The following SLC4A8 variants were observed in gnomAD, a reference collection of about 807,000 sequenced individuals.
The protein encoded by SLC4A8 is electroneutral sodium bicarbonate exchanger 1.
In SLC4A8, 40 loss-of-function variants were observed where a neutral mutation model predicts 125.0. That is an observed-to-expected ratio of 0.32 (90% CI 0.25 to 0.42). The LOEUF is 0.42. Among genes scored for constraint, SLC4A8 ranks in the 10% least tolerant of loss-of-function variants. The pLI is 1.00. For missense variants in SLC4A8, 863 were observed against 1,355.1 expected (o/e 0.64, Z 5.70); for synonymous variants, 456 against 476.0 (o/e 0.96, Z 0.55).
At chr12:51,423,585 C>T (rs556258575), upstream of SLC4A8, among the ~76,000 whole-genome samples, 1 of 152,206 alleles carries the variant, frequency 6.6e-6, no homozygotes, top group Non-Finnish European at 1.5e-5. Context: ...AGGACCAACA[C>T]AAAGGATGGT....
intron 10 of SLC4A8, 54 bp from the exon 11 acceptor site, chr12:51,463,557 TAGC>T (rs1449466217): frequency 7.5e-7 from 1 of 1,334,714 alleles, no homozygotes; most frequent in East Asian, 2.3e-5. Context: ...TCCCTGCTGA[TAGC>T]AGGACGAAAA....
At chr12:51,471,161 A>C in intron 13 of SLC4A8, 126 bp from the exon 14 acceptor site, 1 of 880,160 alleles carries the variant, frequency 1.1e-6, no homozygotes, top group African/African-American at 1.7e-5. Flanking sequence ...AGGAAAATAC[A>C]ATCAGAATTA....
intron 1 of SLC4A8, among the ~76,000 whole-genome samples, chr12:51,404,075 A>G (rs548540863): frequency 2.0e-4 from 31 of 152,176 alleles, no homozygotes; most frequent in African/African-American, 6.8e-4. Context: ...GTGAAGTCAG[A>G]CTTGTGAGCA....
At chr12:51,457,201 T>C (rs1565790012) in intron 5 of SLC4A8, 150 bp from the exon 6 acceptor site, 5 of 522,124 alleles carry the variant, frequency 9.6e-6, no homozygotes, top group African/African-American at 1.9e-5. Context: ...CAAATGGCAC[T>C]TTCAGACAGG....
chr12:51,474,626 G>A (rs1950807778), intron 15 of SLC4A8, 179 bp downstream of exon 15: 4 of 1,139,816 alleles, frequency 3.5e-6, no homozygotes, highest in Non-Finnish European at 4.8e-6. Context: ...TGTATGTTAA[G>A]GGAGAAGATT....
chr12:51,410,503 G>A (rs143791842), intron 1 of SLC4A8, among the ~76,000 whole-genome samples: 2 of 152,046 alleles, frequency 1.3e-5, no homozygotes, highest in Non-Finnish European at 2.9e-5. Context: ...TGTTGCCCAG[G>A]CTGGAGTGCA....
intron 6 of SLC4A8, among the ~76,000 whole-genome samples, chr12:51,458,077 A>G (rs1204697815): frequency 2.0e-5 from 3 of 152,176 alleles, no homozygotes; most frequent in Non-Finnish European, 4.4e-5. Flanking sequence ...TCAATGAGTT[A>G]ATCCATGTGA....
intron 13 of SLC4A8, 64 bp downstream of exon 13, chr12:51,470,589 G>A (rs1451462874): frequency 6.9e-7 from 1 of 1,456,408 alleles, no homozygotes; most frequent in Non-Finnish European, 9.6e-7. Flanking sequence ...AGGATTAAAT[G>A]TCAGGGTTCT....
Position 51,489,819 on chromosome 12 carries a change from C to T in SLC4A8, c.2568C>T (p.Ser856=), listed in dbSNP as rs1336848364. The change falls in exon 19 of 25, where the codon AGC becomes AGT. Residue 856 remains serine (S), a synonymous_variant. Coordinates refer to ENST00000453097, the MANE Select transcript of SLC4A8 (RefSeq NM_001039960.3). ...ATVLSITHVN[S]LKLESECSAP... ...TCTTGTCCATCACACATGTGAACAG[C>T]CTCAAGCTAGAATCTGAATGCTCTG... 6.2e-7 allele frequency: 1 copy of T among 1,614,112 alleles called. No individual in the cohort carries two copies. Among genetic ancestry groups the T allele is most frequent in the Non-Finnish European group, 8.5e-7 (1 of 1,180,038 alleles).
At chr12:51,497,430 G>A (rs1056226240) in intron 22 of SLC4A8, 22 of 238,040 alleles carry the variant, frequency 9.2e-5, no homozygotes, top group Non-Finnish European at 1.6e-4. Flanking sequence ...TCTTTCAAAA[G>A]GTCTAATTTG....
intron 1 of SLC4A8, among the ~76,000 whole-genome samples, chr12:51,435,834 G>A (rs1949389038): frequency 1.3e-5 from 2 of 152,046 alleles, no homozygotes; most frequent in Admixed American, 1.3e-4. Flanking sequence ...ATAATAAGAT[G>A]TTTTAGACTT....
chr12:51,421,018 A>ATG (rs144594375), upstream of SLC4A8, among the ~76,000 whole-genome samples: 9,893 of 150,400 alleles, frequency 0.066, 427 homozygotes, highest in East Asian at 0.22. Flanking sequence ...TATTGGTATG[A>ATG]TGTGTGTGTG....
chr12:51,488,660 A>G (rs758926981), intron 17 of SLC4A8, 39 bp from the exon 18 acceptor site: 7 of 1,557,260 alleles, frequency 4.5e-6, no homozygotes, highest in South Asian at 1.1e-5. Context: ...CCCAATGACT[A>G]TAACTTAAAA....
chr12:51,443,950 G>A (rs1346572936), intron 2 of SLC4A8, among the ~76,000 whole-genome samples: 2 of 152,148 alleles, frequency 1.3e-5, no homozygotes, highest in African/African-American at 4.8e-5. Context: ...ATTGCTCTCT[G>A]CATGTGTATA....
intron 2 of SLC4A8, among the ~76,000 whole-genome samples, chr12:51,448,991 G>T (rs1468781392): frequency 6.6e-6 from 1 of 152,130 alleles, no homozygotes; most frequent in Non-Finnish European, 1.5e-5. Context: ...AGGGATGGAT[G>T]GAAAGGAGAG....
chr12:51,499,351 C>T (rs745628248), intron 22 of SLC4A8, among the ~76,000 whole-genome samples: 1 of 150,828 alleles, frequency 6.6e-6, no homozygotes, highest in Admixed American at 6.6e-5. Flanking sequence ...GTGCACCCCC[C>T]ACACACGTGA....
chr12:51,445,218 C>A (rs956530332), intron 2 of SLC4A8, among the ~76,000 whole-genome samples: 32 of 152,192 alleles, frequency 2.1e-4, no homozygotes, highest in African/African-American at 7.5e-4. Flanking sequence ...GTCGCCCAGA[C>A]TGAGTGCAGT....
Position 51,469,821 on chromosome 12 carries a change from A to G in SLC4A8, c.1524+33A>G, listed in dbSNP as rs780261646. 2.5e-6 allele frequency: 4 copies of G among 1,604,428 alleles called. No individual in the cohort carries two copies. The Admixed American group carries it at 5.0e-5, about 20-fold the overall frequency. On this transcript the variant is annotated intron_variant, in intron 12 of 24. Transcript: ENST00000453097. ...CTTTTAACCACTTCTAATGATCCCA[A>G]ACAAGACCTAAAATATTGTGGCGGC...
chr12:51,451,044 G>GC (rs1783507935), intron 3 of SLC4A8, 22 bp downstream of exon 3: 1 of 1,455,972 alleles, frequency 6.9e-7, no homozygotes, highest in Non-Finnish European at 9.1e-7. Context: ...GGGAGACAGG[G>GC]CGGGTGTCCA....
Sources: gnomAD v4.1 joint callset for allele counts (sites outside exome capture counted in the v4.1 genomes callset) on GRCh38, gnomAD v4.1.1 for gene constraint, MANE v1.5 for transcripts, NCBI Gene and HGNC (gene_info 2026-07-23, HGNC 2026-07-21) for gene names.